RAB33A: variants seen among roughly 807,000 people sequenced by gnomAD.
RAB33A encodes ras-related protein Rab-33A.
Under a neutral mutation model 12.0 loss-of-function variants are expected in RAB33A, and 6 were observed. That is an observed-to-expected ratio of 0.50 (90% CI 0.27 to 0.99). The LOEUF is 0.99. Among genes scored for constraint, RAB33A ranks in the 50% least tolerant of loss-of-function variants. The probability of loss-of-function intolerance (pLI) is 0.11; values close to 1 mark genes in which losing one functional copy is unlikely to be tolerated. For synonymous variants in RAB33A, 70 were observed against 82.4 expected (o/e 0.85, Z 0.81); for missense variants, 109 against 192.0 (o/e 0.57, Z 2.55).
the RAB33A span, among the ~76,000 whole-genome samples, chrX:130,166,925 G>A: frequency 2.7e-5 from 3 of 111,980 alleles, no homozygotes; most frequent in South Asian, 1.1e-3. Context: ...GTTTACAATG[G>A]GTTTATTTGG....
chrX:130,150,631 G>A, the RAB33A span, among the ~76,000 whole-genome samples: 9 of 104,466 alleles, frequency 8.6e-5, no homozygotes, highest in African/African-American at 2.1e-4. Context: ...CACCGCGCCC[G>A]GCCTATTGGA....
the RAB33A span, among the ~76,000 whole-genome samples, chrX:130,119,001 T>G: frequency 3.6e-5 from 4 of 111,445 alleles, no homozygotes; most frequent in African/African-American, 1.3e-4. Flanking sequence ...GCTGCCAAAT[T>G]ATCTTCCCAT....
chrX:130,137,376 A>G, the RAB33A span: 1 of 1,155,685 alleles, frequency 8.7e-7, no homozygotes, highest in African/African-American at 1.8e-5. Context: ...ACGCAAATAC[A>G]ACAGGTATCA....
chrX:130,141,390 G>A, the RAB33A span, among the ~76,000 whole-genome samples: 4 of 111,438 alleles, frequency 3.6e-5, no homozygotes, highest in African/African-American at 1.3e-4. Context: ...AAGGAGAATC[G>A]GAACAGCCTT....
chrX:130,113,687 G>A, the RAB33A span, among the ~76,000 whole-genome samples: 1 of 111,913 alleles, frequency 8.9e-6, no homozygotes, highest in African/African-American at 3.3e-5. Context: ...GCTTCCCAAA[G>A]TGCTGGGATT....
chrX:130,165,687 T>C, the RAB33A span: 1 of 1,121,059 alleles, frequency 8.9e-7, no homozygotes, highest in Non-Finnish European at 1.2e-6. Flanking sequence ...ACCTCCTCCT[T>C]CCCTTTCCTC....
chrX:130,122,121 C>T, the RAB33A span, among the ~76,000 whole-genome samples: 14 of 111,931 alleles, frequency 1.3e-4, no homozygotes, highest in Non-Finnish European at 2.4e-4. Context: ...CCCAGGAGTC[C>T]GGGTTTTCAT....
At chrX:130,165,483 T>G in the RAB33A span, 13 of 945,814 alleles carry the variant, frequency 1.4e-5, no homozygotes, top group Non-Finnish European at 1.8e-5. Flanking sequence ...GGTAGAGGGC[T>G]GCAAGGCACA....
chrX:130,153,674 G>A, the RAB33A span, among the ~76,000 whole-genome samples: 1 of 110,536 alleles, frequency 9.0e-6, no homozygotes, highest in African/African-American at 3.3e-5. Context: ...ATACAGGAAG[G>A]GGAAGACACC....
chrX:130,136,965 T>A, the RAB33A span: 6 of 1,188,088 alleles, frequency 5.1e-6, no homozygotes, highest in Non-Finnish European at 6.8e-6. Context: ...GTGGAAACAT[T>A]TTACAGGCCA....
chrX:130,115,486 G>A, the RAB33A span, among the ~76,000 whole-genome samples: 5 of 111,118 alleles, frequency 4.5e-5, no homozygotes, highest in African/African-American at 1.3e-4. Context: ...GGTGGTGGGC[G>A]CCTGTAATCC....
At chrX:130,157,295 G>C in the RAB33A span, among the ~76,000 whole-genome samples, 28 of 112,361 alleles carry the variant, frequency 2.5e-4, no homozygotes, top group African/African-American at 9.1e-4. Context: ...GCTATGTAAT[G>C]ATGTGATGAT....
At chrX:130,153,309 C>T in the RAB33A span, among the ~76,000 whole-genome samples, 2 of 97,173 alleles carry the variant, frequency 2.1e-5, no homozygotes, top group South Asian at 5.4e-4. Context: ...GCCGAGATCG[C>T]GCCACTGCAC....
chrX:130,166,123 C>A, the RAB33A span, among the ~76,000 whole-genome samples: 1 of 111,650 alleles, frequency 9.0e-6, no homozygotes, highest in Non-Finnish European at 1.9e-5. Flanking sequence ...CAGCGTAGCC[C>A]CGGCATCGCA....
At chrX:130,111,761 C>G in the RAB33A span, among the ~76,000 whole-genome samples, 5 of 112,334 alleles carry the variant, frequency 4.5e-5, no homozygotes, top group Non-Finnish European at 7.5e-5. Context: ...CTCTGCTCCA[C>G]GCGCCCACTT....
At chrX:130,117,364 G>A in the RAB33A span, among the ~76,000 whole-genome samples, 4 of 112,471 alleles carry the variant, frequency 3.6e-5, no homozygotes, top group East Asian at 8.4e-4. Flanking sequence ...GGATGATGCC[G>A]ACACAGGAGG....
At chrX:130,119,982 G>A in the RAB33A span, among the ~76,000 whole-genome samples, 1 of 111,764 alleles carries the variant, frequency 8.9e-6, no homozygotes, top group Non-Finnish European at 1.9e-5. Flanking sequence ...GGGCGAGGTT[G>A]GAGCCCTCAA....
the RAB33A span, among the ~76,000 whole-genome samples, chrX:130,148,108 C>G: frequency 8.9e-6 from 1 of 112,307 alleles, no homozygotes; most frequent in African/African-American, 3.2e-5. Flanking sequence ...CAATGTCATT[C>G]ATTCATCAGG....
chrX:130,173,275 G>A (rs764345824), intron 1 of RAB33A, among the ~76,000 whole-genome samples: 53 of 111,886 alleles, frequency 4.7e-4, no homozygotes, highest in Admixed American at 2.8e-3. Flanking sequence ...CTTGTGTCAT[G>A]GGGAGCAGAG....
Sources: allele counts gnomAD v4.1 joint callset (sites outside exome capture counted in the v4.1 genomes callset), GRCh38; gene constraint gnomAD v4.1.1; transcripts MANE v1.5; gene names NCBI Gene and HGNC (gene_info 2026-07-23, HGNC 2026-07-21).